ESCO1: variants seen among roughly 807,000 people sequenced by gnomAD.
The protein encoded by ESCO1 is establishment of sister chromatid cohesion N-acetyltransferase 1, also known as N-acetyltransferase ESCO1.
A neutral mutation model predicts 83.5 loss-of-function variants in ESCO1; 33 were observed. The ratio of observed to expected loss-of-function variants is 0.40; its 90% CI spans 0.30 to 0.53. The LOEUF is 0.53. ESCO1 is among the 20% of genes least tolerant of loss of function. ESCO1 has a pLI of 0.63. For missense variants in ESCO1, 855 were observed against 968.0 expected (o/e 0.88, Z 1.55); for synonymous variants, 332 against 324.3 (o/e 1.02, Z -0.25).
chr18:21,570,497 G>A (rs1195949288), intron 4 of ESCO1, among the ~76,000 whole-genome samples: 1 of 152,084 alleles, frequency 6.6e-6, no homozygotes, highest in Non-Finnish European at 1.5e-5. Flanking sequence ...ATATAATGTT[G>A]ATTACACAAA....
At chr18:21,564,164 TAAC>T (rs771736550) in intron 7 of ESCO1, 36 bp downstream of exon 7, 1 of 1,274,086 alleles carries the variant, frequency 7.8e-7, no homozygotes, top group Non-Finnish European at 1.1e-6. Flanking sequence ...AAGATGGTTC[TAAC>T]AACAATTCAC....
chr18:21,559,133 G>C (rs2038150457), intron 8 of ESCO1, among the ~76,000 whole-genome samples: 1 of 152,158 alleles, frequency 6.6e-6, no homozygotes, highest in Admixed American at 6.5e-5. Flanking sequence ...CTCTTCCTTA[G>C]ACTCTGTGTA....
rs772849979 is a variant in ESCO1, at chr18:21,574,033, T to A, written c.811A>T (p.Asn271Tyr). Reference protein sequence around the residue: ...EMKKSVHTQVNTNTTLPKSPQ... With the variant: ...EMKKSVHTQVYTNTTLPKSPQ... ...CTTTTTGGGAGTGTTGTGTTAGTAT[T>A]CACTTGTGTATGAACCGACTTCTTC... The change falls in exon 4 of 12, where the codon AAT (asparagine) becomes TAT (tyrosine). Residue 271 changes from asparagine (N) to tyrosine (Y), a missense_variant. Asn to Tyr is a moderately radical substitution (Grantham distance 143, BLOSUM62 -2). Transcript: ENST00000269214. 2.5e-6 allele frequency: 4 copies of A among 1,613,218 alleles called. No individual in the cohort carries two copies. The East Asian group carries it at 8.9e-5, about 36-fold the overall frequency.
At chr18:21,593,597 T>TAGGGAGAGGGAGAGGTAG (rs2038715807) in intron 1 of ESCO1, 1 of 44,078 alleles carries the variant, frequency 2.3e-5, no homozygotes, top group South Asian at 9.6e-4. Context: ...AGGGAGACCG[T>TAGGGAGAGGGAGAGGTAG]AGGGAGAGGG....
chr18:21,555,728 G>T (rs1336220762), intron 8 of ESCO1, among the ~76,000 whole-genome samples: 1 of 152,120 alleles, frequency 6.6e-6, no homozygotes, highest in Non-Finnish European at 1.5e-5. Flanking sequence ...CTTGAGCCCA[G>T]GAGGTTGAGA....
rs372616592 is a variant in ESCO1 at position 21,573,985 on chromosome 18, G to C, written c.859C>G (p.Gln287Glu). ...GCTTGCTCCAGCTCATTATCACTTT[G>C]TTCAGGCACTGATGGCTGTGGACTT... ...PKSPQPSVPEQSDNELEQAGK... is the reference protein window; with the variant it reads ...PKSPQPSVPEESDNELEQAGK... Residue 287 changes from glutamine (Q) to glutamate (E), a missense_variant, in exon 4 of 12, where the codon CAA becomes GAA. Gln to Glu is a conservative substitution (Grantham distance 29). Coordinates refer to ENST00000269214, the MANE Select transcript of ESCO1 (RefSeq NM_052911.3). 4.3e-6 allele frequency: 7 copies of C among 1,613,702 alleles called. No homozygotes were observed. Among genetic ancestry groups the C allele is most frequent in the Middle Eastern group, 3.3e-4 (2 of 6,062 alleles).
chr18:21,575,890 G>T (rs370113024), intron 2 of ESCO1, 113 bp from the exon 3 acceptor site: 2 of 254,534 alleles, frequency 7.9e-6, no homozygotes, highest in Non-Finnish European at 1.3e-5. Flanking sequence ...CCTACCATTA[G>T]TCATTATTTC....
chr18:21,575,792 G>T lies in ESCO1; in HGVS notation c.-693-15C>A, dbSNP rs992600082. 2 of 396,970 alleles carry T rather than the reference G, an allele frequency of 5.0e-6. No individual in the cohort carries two copies. Among genetic ancestry groups the T allele is most frequent in the Non-Finnish European group, 8.9e-6 (2 of 225,238 alleles). 24.6% of individuals were successfully genotyped at this position (396,970 alleles called of 1,614,324 possible). On this transcript the variant is annotated splice_polypyrimidine_tract_variant and intron_variant, in intron 2 of 11. Transcript: ENST00000269214. ...TCACACAGCACCTGAAAGAAAAAGGGTTTTTTTTAATGTTCAAAAGGACAA... is the reference window on the plus strand; with the variant it reads ...TCACACAGCACCTGAAAGAAAAAGGTTTTTTTTTAATGTTCAAAAGGACAA...
At chr18:21,545,112 T>C (rs985301327) in intron 8 of ESCO1, among the ~76,000 whole-genome samples, 3 of 152,174 alleles carry the variant, frequency 2.0e-5, no homozygotes, top group African/African-American at 7.2e-5. Context: ...TTTTTCTTTT[T>C]TTGGTTCAGA....
At chr18:21,542,914 TAGA>T (rs1248064269) in intron 8 of ESCO1, among the ~76,000 whole-genome samples, 1 of 152,018 alleles carries the variant, frequency 6.6e-6, no homozygotes, top group African/African-American at 2.4e-5. Context: ...GCATGCAATT[TAGA>T]AGAATAATCA....
chr18:21,567,326 T>C (rs1263270717), intron 5 of ESCO1, among the ~76,000 whole-genome samples: 1 of 152,124 alleles, frequency 6.6e-6, no homozygotes, highest in Non-Finnish European at 1.5e-5. Flanking sequence ...CTTGCTAATT[T>C]TTTTAGTATT....
At chr18:21,540,445 A>C (rs900459542) in intron 8 of ESCO1, 39 of 647,744 alleles carry the variant, frequency 6.0e-5, no homozygotes, top group Non-Finnish European at 7.3e-5. Flanking sequence ...TATGTCTGGC[A>C]TGCCAAAGAC....
intron 4 of ESCO1, among the ~76,000 whole-genome samples, chr18:21,573,052 G>A (rs1438637395): frequency 6.6e-6 from 1 of 151,490 alleles, no homozygotes; most frequent in Non-Finnish European, 1.5e-5. Context: ...AAGAAAAGCT[G>A]GAATTCAACC....
intron 8 of ESCO1, among the ~76,000 whole-genome samples, chr18:21,545,041 T>C (rs577698731): frequency 6.6e-6 from 1 of 152,344 alleles, no homozygotes; most frequent in Admixed American, 6.5e-5. Flanking sequence ...TCTTCTTACA[T>C]GGGTGTGTTC....
intron 1 of ESCO1, among the ~76,000 whole-genome samples, chr18:21,585,667 A>C (rs1361142062): frequency 6.6e-6 from 1 of 152,044 alleles, no homozygotes; most frequent in Non-Finnish European, 1.5e-5. Context: ...TATGTTGCCC[A>C]GGCAAGTCTC....
intron 8 of ESCO1, among the ~76,000 whole-genome samples, chr18:21,554,832 C>T (rs1321796087): frequency 3.3e-5 from 5 of 152,128 alleles, no homozygotes; most frequent in East Asian, 3.9e-4. Flanking sequence ...CGCTTGAACC[C>T]GAGAGGCGGA....
At position 21,566,034 on chromosome 18, in the gene ESCO1, G is replaced by A. The variant is rs2038255352; in HGVS notation, c.1706+112C>T. The A allele has an allele frequency of 6.6e-6, 6 of 915,624 alleles. No homozygotes were observed. The South Asian group carries it at 9.5e-5, about 15-fold the overall frequency. 56.7% of individuals were successfully genotyped at this position (915,624 alleles called of 1,614,324 possible). ...CATAGAAAAAGCTGTAATGAAAAGA[G>A]AATCTGTAGGTAAACTGAGGGTTAC... On this transcript the variant is annotated intron_variant, in intron 6 of 11. Coordinates refer to ENST00000269214, the MANE Select transcript of ESCO1 (RefSeq NM_052911.3).
In ESCO1 at chr18:21,588,473, C is replaced by G. The variant is rs182779706; in HGVS notation, c.-824-4033G>C. 5.6e-3 allele frequency among the ~76,000 whole-genome samples: 850 copies of G among 151,930 alleles called. 3 individuals are homozygous for G. The highest frequency in any genetic ancestry group is 9.2e-3 in the Non-Finnish European group (625 of 67,968). On this transcript the variant is annotated intron_variant, in intron 1 of 11. Coordinates refer to ENST00000269214, the MANE Select transcript of ESCO1 (RefSeq NM_052911.3). Reference sequence around the variant, plus strand: ...AAAAAAAAGAAAAAGAAATTGTATCCCTACCTCATACAATACTAAAGTCAA... The same window carrying G: ...AAAAAAAAGAAAAAGAAATTGTATCGCTACCTCATACAATACTAAAGTCAA...
Position 21,573,462 on chromosome 18 carries a change from T to C in ESCO1, c.1382A>G (p.Glu461Gly). Residue 461 changes from glutamate (E) to glycine (G), a missense_variant, in exon 4 of 12, where the codon GAA (glutamate) becomes GGA (glycine). Coordinates refer to ENST00000269214, the MANE Select transcript of ESCO1 (RefSeq NM_052911.3). ...QQEKMKEINS[E>G]EVKINDITVE... is the part of the protein sequence containing the mutation. ...TGTAATATCATTAATTTTCACTTCT[T>C]CAGAATTAATTTCTTTCATTTTTTC... 1 of 1,612,196 alleles carries C rather than the reference T, an allele frequency of 6.2e-7. No individual in the cohort carries two copies. Among genetic ancestry groups the C allele is most frequent in the East Asian group, 2.2e-5 (1 of 44,842 alleles).
Sources: allele counts gnomAD v4.1 joint callset (sites outside exome capture counted in the v4.1 genomes callset), GRCh38; gene constraint gnomAD v4.1.1; transcripts MANE v1.5; gene names NCBI Gene and HGNC (gene_info 2026-07-23, HGNC 2026-07-21).